The following SUCLG2 variants were observed in gnomAD, a reference collection of about 807,000 sequenced individuals.
SUCLG2 encodes succinate--CoA ligase [GDP-forming] subunit beta, mitochondrial.
SUCLG2 carries 42 observed loss-of-function variants against 47.9 expected under a neutral mutation model. That is an observed-to-expected ratio of 0.88 (90% confidence interval 0.69 to 1.14). SUCLG2 has a LOEUF of 1.14. Ranked by LOEUF, SUCLG2 falls within the 50% of genes most tolerant of loss-of-function variation. The pLI, the probability that SUCLG2 is intolerant of heterozygous loss-of-function variation, is 0.00. For missense variants in SUCLG2, 571 were observed against 525.9 expected (o/e 1.09, Z -0.84); for synonymous variants, 195 against 197.3 (o/e 0.99, Z 0.10).
intron 10 of SUCLG2, among the ~76,000 whole-genome samples, chr3:67,393,451 C>T (rs546041374): frequency 1.8e-4 from 27 of 152,054 alleles, no homozygotes; most frequent in African/African-American, 3.6e-4. Flanking sequence ...AACTGCAAGG[C>T]GGCAGCGAGG....
At chr3:67,596,370 G>C (rs1194712176) in intron 2 of SUCLG2, among the ~76,000 whole-genome samples, 1 of 152,154 alleles carries the variant, frequency 6.6e-6, no homozygotes, top group Non-Finnish European at 1.5e-5. Context: ...TGAGAGCCAG[G>C]AGAAAGAAAG....
Position 67,360,764 on chromosome 3 carries a change from AG to A in SUCLG2, c.1187del (p.Thr396IlefsTer12). ...TATAACTTCCTTTTTTTTCCATAAA[AG>A]TACCTGAAATTGGAGTGAGATTCTT... On this transcript the variant is annotated frameshift_variant, in exon 11 of 11. Coordinates refer to the SUCLG2 transcript ENST00000493112. LOFTEE classifies it low-confidence loss of function (END_TRUNC). 1 of 1,512,894 alleles carries A rather than the reference AG, an allele frequency of 6.6e-7. No homozygotes were observed. 93.7% of individuals were successfully genotyped at this position (1,512,894 alleles called of 1,614,324 possible). A position where few individuals can be genotyped will look rare whatever the true frequency, so the allele number is the denominator to read the frequency against.
chr3:67,614,137 T>A (rs1700582201), intron 1 of SUCLG2, among the ~76,000 whole-genome samples: 1 of 152,156 alleles, frequency 6.6e-6, no homozygotes, highest in African/African-American at 2.4e-5. Context: ...AGATAATCCA[T>A]GAATTCTAGA....
intron 9 of SUCLG2, among the ~76,000 whole-genome samples, chr3:67,410,822 A>G (rs1016856293): frequency 6.6e-6 from 1 of 152,188 alleles, no homozygotes; most frequent in Non-Finnish European, 1.5e-5. Context: ...TGGTTACAAA[A>G]CTGTCTTTCC....
At chr3:67,385,626 G>T (rs1702243228) in intron 10 of SUCLG2, among the ~76,000 whole-genome samples, 1 of 152,226 alleles carries the variant, frequency 6.6e-6, no homozygotes, top group African/African-American at 2.4e-5. Flanking sequence ...TGGGATGGAA[G>T]GTACACTGAA....
At chr3:67,516,782 T>C (rs1039743630) in intron 6 of SUCLG2, among the ~76,000 whole-genome samples, 10 of 152,132 alleles carry the variant, frequency 6.6e-5, no homozygotes, top group Non-Finnish European at 7.4e-5. Context: ...TCCAAAGTGA[T>C]ATGGAGGAGG....
At position 67,645,095 on chromosome 3, in the gene SUCLG2, A is replaced by C. The variant is rs17046791; in HGVS notation, c.84+9408T>G. On this transcript the variant is annotated intron_variant, in intron 1 of 10. Coordinates refer to ENST00000307227, the MANE Select transcript of SUCLG2 (RefSeq NM_003848.4). Reference sequence around the variant, plus strand: ...CTGATATACTGCCAATATTAAGCAAAATGAAATACCACTACTAAATATTCT... The same window carrying C: ...CTGATATACTGCCAATATTAAGCAACATGAAATACCACTACTAAATATTCT... 6.7e-3 allele frequency among the ~76,000 whole-genome samples: 1,015 copies of C among 152,286 alleles called. 14 individuals are homozygous for C. Among genetic ancestry groups the C allele is most frequent in the African/African-American group, 0.023 (965 of 41,548 alleles).
chr3:67,608,821 G>A (rs1317945698), intron 2 of SUCLG2, among the ~76,000 whole-genome samples: 1 of 151,986 alleles, frequency 6.6e-6, no homozygotes, highest in Admixed American at 6.6e-5. Context: ...AGGACTACAG[G>A]CATACACCAC....
intron 1 of SUCLG2, among the ~76,000 whole-genome samples, chr3:67,637,227 A>G (rs1701025738): frequency 6.6e-6 from 1 of 152,206 alleles, no homozygotes; most frequent in Admixed American, 6.5e-5. Context: ...AAAAAGGGAT[A>G]TCAGACAGGC....
intron 1 of SUCLG2, among the ~76,000 whole-genome samples, chr3:67,639,896 C>T (rs764489125): frequency 1.6e-4 from 24 of 152,208 alleles, no homozygotes; most frequent in Non-Finnish European, 3.4e-4. Flanking sequence ...AAGAATCACT[C>T]ATACACAATT....
At chr3:67,505,814 T>C (rs1705620251) in intron 7 of SUCLG2, among the ~76,000 whole-genome samples, 1 of 151,772 alleles carries the variant, frequency 6.6e-6, no homozygotes, top group Non-Finnish European at 1.5e-5. Flanking sequence ...ATACAAAAAT[T>C]AGCTGGGCGC....
intron 2 of SUCLG2, among the ~76,000 whole-genome samples, chr3:67,589,243 C>T (rs1708097521): frequency 6.6e-6 from 1 of 152,204 alleles, no homozygotes; most frequent in Non-Finnish European, 1.5e-5. Context: ...CCATCACTAT[C>T]TCACTACCCT....
chr3:67,584,806 C>A (rs889450401), intron 2 of SUCLG2, among the ~76,000 whole-genome samples: 2 of 152,066 alleles, frequency 1.3e-5, no homozygotes, highest in African/African-American at 4.8e-5. Flanking sequence ...AGGGGAAGTG[C>A]CGGGCAAAGC....
chr3:67,615,875 A>G (rs1395922507), intron 1 of SUCLG2, among the ~76,000 whole-genome samples: 2 of 152,118 alleles, frequency 1.3e-5, no homozygotes, highest in Admixed American at 6.6e-5. Context: ...AGAATTGTAC[A>G]TAACAAAAGG....
At chr3:67,441,659 G>A (rs940670829) in intron 9 of SUCLG2, among the ~76,000 whole-genome samples, 2 of 152,094 alleles carry the variant, frequency 1.3e-5, no homozygotes, top group Non-Finnish European at 2.9e-5. Context: ...AGGATCTTTT[G>A]TTACAAAGTA....
At chr3:67,411,615 A>G (rs1268718731) in intron 9 of SUCLG2, among the ~76,000 whole-genome samples, 1 of 152,134 alleles carries the variant, frequency 6.6e-6, no homozygotes, top group African/African-American at 2.4e-5. Context: ...AAACACATAC[A>G]TGTTTTATTC....
chr3:67,442,565 G>C (rs1357287832), intron 9 of SUCLG2, among the ~76,000 whole-genome samples: 2 of 152,210 alleles, frequency 1.3e-5, no homozygotes, highest in African/African-American at 4.8e-5. Context: ...CTGTCCTAGA[G>C]CTTTGTTCCT....
intron 9 of SUCLG2, among the ~76,000 whole-genome samples, chr3:67,479,877 T>C (rs905826738): frequency 6.6e-6 from 1 of 152,170 alleles, no homozygotes; most frequent in African/African-American, 2.4e-5. Flanking sequence ...TTTAGAAAAA[T>C]GCATTTACAA....
At chr3:67,360,690 A>T in exon 11 of SUCLG2, 1 of 1,529,864 alleles carries the variant, frequency 6.5e-7, no homozygotes. Flanking sequence ...GTTCTCTTGG[A>T]TACCAGTTAT....
Sources: allele counts gnomAD v4.1 joint callset (sites outside exome capture counted in the v4.1 genomes callset), GRCh38; gene constraint gnomAD v4.1.1; transcripts MANE v1.5; gene names NCBI Gene and HGNC (gene_info 2026-07-23, HGNC 2026-07-21).